Variants in COX7B2 observed in about 807,000 individuals in gnomAD.
COX7B2 encodes cytochrome c oxidase subunit 7B2.
For synonymous variants in COX7B2, 37 were observed against 32.1 expected, an observed-to-expected ratio of 1.15 and a Z score of -0.51; for missense variants, 109 against 95.9, an observed-to-expected ratio of 1.14 and a Z score of -0.57.
intron 1 of COX7B2, among the ~76,000 whole-genome samples, chr4:46,895,897 G>C (rs182287559): frequency 6.6e-6 from 1 of 152,220 alleles, no homozygotes; most frequent in Non-Finnish European, 1.5e-5. Context: ...TGGTCTCAAA[G>C]AGTTCTTTCT....
At chr4:46,738,216 T>G (rs1404752109) in intron 2 of COX7B2, among the ~76,000 whole-genome samples, 1 of 152,160 alleles carries the variant, frequency 6.6e-6, no homozygotes, top group Non-Finnish European at 1.5e-5. Context: ...TGCTGCTTTA[T>G]GACAAATTGA....
chr4:46,752,432 C>T (rs1026093833), intron 2 of COX7B2, among the ~76,000 whole-genome samples: 3 of 152,072 alleles, frequency 2.0e-5, no homozygotes, highest in Non-Finnish European at 4.4e-5. Context: ...CCTGATTACC[C>T]TGGCCAGAAC....
At chr4:46,829,085 A>G (rs1400289654) in intron 2 of COX7B2, among the ~76,000 whole-genome samples, 1 of 152,194 alleles carries the variant, frequency 6.6e-6, no homozygotes. Flanking sequence ...GTCTTTCTGC[A>G]TATTAAAATG....
chr4:46,901,254 C>T (rs1306029822), intron 1 of COX7B2, among the ~76,000 whole-genome samples: 1 of 152,184 alleles, frequency 6.6e-6, no homozygotes, highest in Non-Finnish European at 1.5e-5. Flanking sequence ...GCTACTAGAG[C>T]AGGTATTGAA....
chr4:46,742,855 G>C (rs1206950840), intron 2 of COX7B2, among the ~76,000 whole-genome samples: 1 of 152,166 alleles, frequency 6.6e-6, no homozygotes, highest in Non-Finnish European at 1.5e-5. Context: ...TAAATGAACA[G>C]ATCATTTCTA....
rs1718584653 is a variant in COX7B2, at chr4:46,800,283, G to T, written c.-50+44677C>A. On this transcript the variant is annotated intron_variant, in intron 2 of 2. Coordinates refer to ENST00000355591, the MANE Select transcript of COX7B2 (RefSeq NM_130902.3). ...AAAAAAACTACTCTAAAACTCATAT[G>T]GAACCAAAAATGAGTCAGAACAGCC... 1.3e-5 allele frequency among the ~76,000 whole-genome samples: 2 copies of T among 152,060 alleles called. 1 individual carries two copies. The highest frequency in any genetic ancestry group is 4.1e-4 in the South Asian group (2 of 4,820).
intron 2 of COX7B2, among the ~76,000 whole-genome samples, chr4:46,819,708 A>G (rs1714140222): frequency 6.6e-6 from 1 of 152,222 alleles, no homozygotes; most frequent in Non-Finnish European, 1.5e-5. Flanking sequence ...GTTAAAGTAA[A>G]ACAGTATATA....
At chr4:46,838,110 T>C (rs1266798160) in intron 2 of COX7B2, among the ~76,000 whole-genome samples, 1 of 151,998 alleles carries the variant, frequency 6.6e-6, no homozygotes, top group Non-Finnish European at 1.5e-5. Flanking sequence ...TTTCAAAAAA[T>C]TTGTGGGTTA....
At chr4:46,772,452 A>G (rs6816878) in intron 2 of COX7B2, among the ~76,000 whole-genome samples, 48,020 of 152,042 alleles carry the variant, frequency 0.32, 7,930 homozygotes, top group South Asian at 0.47. Context: ...CACCACACAA[A>G]GAAAATGGTA....
At chr4:46,872,166 T>C (rs1718033499) in intron 1 of COX7B2, among the ~76,000 whole-genome samples, 2 of 152,206 alleles carry the variant, frequency 1.3e-5, no homozygotes, top group African/African-American at 2.4e-5. Context: ...ATCATGTCTT[T>C]TGTGGGAACA....
intron 2 of COX7B2, among the ~76,000 whole-genome samples, chr4:46,823,656 A>G (rs1168493063): frequency 6.6e-6 from 1 of 151,800 alleles, no homozygotes; most frequent in Non-Finnish European, 1.5e-5. Context: ...CATTAAAAAT[A>G]AAGTTGTAAG....
At chr4:46,773,788 A>G (rs1378577619) in intron 2 of COX7B2, among the ~76,000 whole-genome samples, 1 of 152,164 alleles carries the variant, frequency 6.6e-6, no homozygotes, top group Non-Finnish European at 1.5e-5. Flanking sequence ...TTTCTAAAAT[A>G]CAGTGTAGGG....
In COX7B2 at chr4:46,878,501, A is replaced by ATG. The variant is rs201679607; in HGVS notation, c.-105+30658_-105+30659insCA. ...AGCACTATTATATATATATATATAT[A>ATG]GACACATATATACACATTACATTTT... On this transcript the variant is annotated intron_variant, in intron 1 of 2. Coordinates refer to ENST00000355591, the MANE Select transcript of COX7B2 (RefSeq NM_130902.3). 2.0e-5 allele frequency among the ~76,000 whole-genome samples: 3 copies of ATG among 151,528 alleles called. No individual in the cohort carries two copies. In the East Asian group the frequency reaches 5.8e-4, roughly 29 times the overall value.
chr4:46,801,066 A>G (rs1453635035), intron 2 of COX7B2, among the ~76,000 whole-genome samples: 3 of 152,290 alleles, frequency 2.0e-5, no homozygotes, highest in South Asian at 2.1e-4. Flanking sequence ...CAGAATGACT[A>G]TTATTAAAAA....
chr4:46,897,568 T>G (rs552223703), intron 1 of COX7B2, among the ~76,000 whole-genome samples: 1 of 152,190 alleles, frequency 6.6e-6, no homozygotes, highest in Non-Finnish European at 1.5e-5. Flanking sequence ...TAGTCTGTTA[T>G]TGTTCTCTCT....
chr4:46,819,584 G>A (rs186485166), intron 2 of COX7B2, among the ~76,000 whole-genome samples: 157 of 150,996 alleles, frequency 1.0e-3, no homozygotes, highest in African/African-American at 3.6e-3. Context: ...CTCTCATTAT[G>A]TTTTAAGAAA....
At chr4:46,764,048 C>T (rs1352622340) in intron 2 of COX7B2, among the ~76,000 whole-genome samples, 1 of 152,104 alleles carries the variant, frequency 6.6e-6, no homozygotes, top group Non-Finnish European at 1.5e-5. Flanking sequence ...AGCAGATTAC[C>T]ACCTACATGG....
intron 2 of COX7B2, among the ~76,000 whole-genome samples, chr4:46,818,417 A>C (rs1714004589): frequency 6.6e-6 from 1 of 152,120 alleles, no homozygotes; most frequent in Admixed American, 6.5e-5. Flanking sequence ...GTGGATCATG[A>C]GGTCAGGAGA....
At chr4:46,888,198 G>C (rs752370968) in intron 1 of COX7B2, among the ~76,000 whole-genome samples, 20 of 152,232 alleles carry the variant, frequency 1.3e-4, no homozygotes, top group East Asian at 5.8e-4. Flanking sequence ...TGAGAGAAAG[G>C]CTTTTGCATC....
Sources: gnomAD v4.1 joint callset for allele counts (sites outside exome capture counted in the v4.1 genomes callset) on GRCh38, gnomAD v4.1.1 for gene constraint, MANE v1.5 for transcripts, NCBI Gene and HGNC (gene_info 2026-07-23, HGNC 2026-07-21) for gene names.